The following BACE2 variants were observed in gnomAD, a reference collection of about 807,000 sequenced individuals.
The protein encoded by BACE2 is 56 kDa aspartic-like protease.
A neutral mutation model predicts 46.2 loss-of-function variants in BACE2; 17 were observed. The observed-to-expected ratio is 0.37, with a 90% CI of 0.25 to 0.55. The LOEUF (loss-of-function observed/expected upper bound fraction) is 0.55. Among genes scored for constraint, BACE2 ranks in the 20% least tolerant of loss-of-function variants. BACE2 has a pLI of 0.82. For synonymous variants in BACE2, 277 were observed against 295.9 expected (o/e 0.94, Z 0.66); for missense variants, 595 against 698.1 (o/e 0.85, Z 1.66).
intron 1 of BACE2, among the ~76,000 whole-genome samples, chr21:41,172,832 A>G (rs1984652118): frequency 1.3e-5 from 2 of 152,204 alleles, no homozygotes; most frequent in South Asian, 4.1e-4. Context: ...TTGTTCTCAT[A>G]ATTCTGCAGG....
At chr21:41,191,751 A>G (rs1291322796) in intron 1 of BACE2, among the ~76,000 whole-genome samples, 3 of 152,182 alleles carry the variant, frequency 2.0e-5, no homozygotes, top group Admixed American at 2.0e-4. Flanking sequence ...CCACTGGGTG[A>G]TGACGGGGGT....
At chr21:41,183,919 A>G (rs1985249448) in intron 1 of BACE2, 1 of 167,050 alleles carries the variant, frequency 6.0e-6, no homozygotes, top group South Asian at 2.1e-4. Context: ...AGTCTTGTCT[A>G]GGCATCCCAG....
chr21:41,254,221 G>A (rs891751799), intron 7 of BACE2, among the ~76,000 whole-genome samples: 1 of 152,216 alleles, frequency 6.6e-6, no homozygotes, highest in African/African-American at 2.4e-5. Context: ...TGAATCCTAT[G>A]TGGCCTGTTA....
At chr21:41,221,964 G>C (rs968915308) in intron 1 of BACE2, among the ~76,000 whole-genome samples, 1 of 152,220 alleles carries the variant, frequency 6.6e-6, no homozygotes, top group Non-Finnish European at 1.5e-5. Flanking sequence ...GGCGGAGGCA[G>C]CAGGAGCTGT....
chr21:41,249,135 A>AG (rs769251574), intron 6 of BACE2, among the ~76,000 whole-genome samples: 5 of 152,030 alleles, frequency 3.3e-5, no homozygotes, highest in Non-Finnish European at 7.4e-5. Context: ...ACTTGGCCTC[A>AG]GGGGACTCAG....
intron 1 of BACE2, among the ~76,000 whole-genome samples, chr21:41,211,073 AT>A (rs967742148): frequency 6.7e-5 from 10 of 150,170 alleles, no homozygotes; most frequent in Admixed American, 2.0e-4. Flanking sequence ...TATTGTGTTG[AT>A]TTTTTTTTTA....
In BACE2 at chr21:41,277,963, G is replaced by T. The variant is rs761798922; in HGVS notation, c.*2339G>T. On this transcript the variant is annotated 3_prime_UTR_variant, in exon 9 of 9. Coordinates refer to ENST00000330333, the MANE Select transcript of BACE2 (RefSeq NM_012105.5). Reference sequence around the variant, plus strand: ...CAATTGAATGTGGGACATTTTTCTGGCATGTCTTGCTGCTGAGAATCGGAC... The same window carrying T: ...CAATTGAATGTGGGACATTTTTCTGTCATGTCTTGCTGCTGAGAATCGGAC... 3 of 152,182 alleles carry T rather than the reference G, an allele frequency of 2.0e-5. No individual in the cohort carries two copies. The highest frequency in any genetic ancestry group is 2.9e-5 in the Non-Finnish European group (2 of 68,024). The allele number at this position is 152,182 out of a possible 1,614,324, so 9.4% of individuals were successfully genotyped here. A position where few individuals can be genotyped will look rare whatever the true frequency, so the allele number is the denominator to read the frequency against.
intron 1 of BACE2, chr21:41,180,655 A>G (rs2123497088): frequency 6.0e-6 from 1 of 167,276 alleles, no homozygotes; most frequent in African/African-American, 2.4e-5. Flanking sequence ...AGGTCCTAGA[A>G]GAGGTGAAAA....
At chr21:41,251,560 G>T (rs1433525668) in intron 7 of BACE2, among the ~76,000 whole-genome samples, 1 of 152,232 alleles carries the variant, frequency 6.6e-6, no homozygotes, top group Non-Finnish European at 1.5e-5. Flanking sequence ...CAGCACTTTG[G>T]GAGGCCAAGG....
rs1342857273 is a variant in BACE2, at chr21:41,281,926, T to C, written c.*6302T>C. 6.6e-6 allele frequency: 1 copy of C among 152,242 alleles called. No homozygotes were observed. The highest frequency in any genetic ancestry group is 2.4e-5 in the African/African-American group (1 of 41,468). 9.4% of individuals were successfully genotyped at this position (152,242 alleles called of 1,614,324 possible). A position where few individuals can be genotyped will look rare whatever the true frequency, so the allele number is the denominator to read the frequency against. Reference sequence around the variant, plus strand: ...GGCAGCGAATGAATGAGATTTGTCATGTGCTAATAAAAGCTGAATTTTTGT... The same window carrying C: ...GGCAGCGAATGAATGAGATTTGTCACGTGCTAATAAAAGCTGAATTTTTGT... On this transcript the variant is annotated 3_prime_UTR_variant, in exon 9 of 9. Transcript: ENST00000330333.
At chr21:41,201,827 A>G (rs1439149163) in intron 1 of BACE2, among the ~76,000 whole-genome samples, 1 of 152,206 alleles carries the variant, frequency 6.6e-6, no homozygotes, top group Non-Finnish European at 1.5e-5. Flanking sequence ...ATAATGTTTG[A>G]GTTAATTGAT....
intron 1 of BACE2, among the ~76,000 whole-genome samples, chr21:41,202,100 A>G (rs368387369): frequency 5.9e-5 from 9 of 152,352 alleles, no homozygotes; most frequent in African/African-American, 2.2e-4. Context: ...TTCACTATAA[A>G]TTATTTTCAA....
At chr21:41,207,920 A>G (rs1396452090) in intron 1 of BACE2, among the ~76,000 whole-genome samples, 1 of 152,198 alleles carries the variant, frequency 6.6e-6, no homozygotes, top group Non-Finnish European at 1.5e-5. Context: ...CTCAGCTGGG[A>G]CACCCTGTCT....
chr21:41,208,265 C>T (rs1986191443), intron 1 of BACE2, among the ~76,000 whole-genome samples: 1 of 152,266 alleles, frequency 6.6e-6, no homozygotes, highest in Non-Finnish European at 1.5e-5. Context: ...ACACCTTGGC[C>T]TCCACCAGAG....
intron 8 of BACE2, among the ~76,000 whole-genome samples, chr21:41,259,854 G>C (rs1333683047): frequency 6.6e-6 from 1 of 151,282 alleles, no homozygotes; most frequent in African/African-American, 2.4e-5. Flanking sequence ...TTTAGACAGG[G>C]TCTTGCTCTG....
chr21:41,214,803 T>C lies in BACE2; in HGVS notation c.313-11463T>C, dbSNP rs1986405740. Among the ~76,000 whole-genome samples, 3 of 152,216 alleles carry C rather than the reference T, an allele frequency of 2.0e-5. No individual in the cohort carries two copies. The South Asian group carries it at 6.2e-4, about 32-fold the overall frequency. On this transcript the variant is annotated intron_variant, in intron 1 of 8. Transcript: ENST00000330333. ...AGCCACATGTGGCCCTACTGTCAGC[T>C]GTCATGGAGGGCGCACTGTGCTGGG...
At chr21:41,191,163 A>T (rs1394451629) in intron 1 of BACE2, among the ~76,000 whole-genome samples, 1 of 152,198 alleles carries the variant, frequency 6.6e-6, no homozygotes. Context: ...GATTCAGAGC[A>T]TACACGGCCT....
rs753747649 is a variant in BACE2, at chr21:41,275,553, T to G, written c.1486T>G (p.Cys496Gly). ...CGTCCTGCTGCTGCTGCCGTTCCGG[T>G]GTCAGCGTCGCCCCCGTGACCCTGA... ...LIVLLLLPFR[C>G]QRRPRDPEVV... Residue 496 changes from cysteine to glycine, a missense_variant, in exon 9 of 9, where the codon TGT (cysteine) becomes GGT (glycine). By Grantham distance (159) the Cys-to-Gly change is radical. Coordinates refer to ENST00000330333, the MANE Select transcript of BACE2 (RefSeq NM_012105.5). 2 of 1,614,100 alleles carry G rather than the reference T, an allele frequency of 1.2e-6. No individual in the cohort carries two copies. Among genetic ancestry groups the G allele is most frequent in the South Asian group, 2.2e-5 (2 of 91,074 alleles).
chr21:41,245,913 G>A (rs767875475), intron 5 of BACE2, 49 bp from the exon 6 acceptor site: 2 of 1,444,290 alleles, frequency 1.4e-6, no homozygotes, highest in East Asian at 2.5e-5. Flanking sequence ...CGTGGGGCGG[G>A]GAGCGCCACT....
Sources: gnomAD v4.1 joint callset for allele counts (sites outside exome capture counted in the v4.1 genomes callset) on GRCh38, gnomAD v4.1.1 for gene constraint, MANE v1.5 for transcripts, NCBI Gene and HGNC (gene_info 2026-07-23, HGNC 2026-07-21) for gene names.